The following DARS2 variants were observed in gnomAD, a reference collection of about 807,000 sequenced individuals.
The protein encoded by DARS2 is aspartate--tRNA ligase, mitochondrial.
Under a neutral mutation model 83.0 loss-of-function variants are expected in DARS2, and 63 were observed. That is an observed-to-expected ratio of 0.76 (90% CI 0.62 to 0.94). The LOEUF (loss-of-function observed/expected upper bound fraction) is 0.94. Ranked by LOEUF, DARS2 falls within the 40% of genes least tolerant of loss-of-function variation. DARS2 has a pLI of 0.00. For synonymous variants in DARS2, 250 were observed against 269.3 expected (o/e 0.93, Z 0.70); for missense variants, 675 against 774.4 (o/e 0.87, Z 1.52).
At chr1:173,849,792 A>G (rs992765805) in intron 12 of DARS2, among the ~76,000 whole-genome samples, 1 of 151,384 alleles carries the variant, frequency 6.6e-6, no homozygotes, top group Non-Finnish European at 1.5e-5. Context: ...ATTCGCAGAA[A>G]TCTCTCATCT....
chr1:173,853,473 A>C lies in DARS2; in HGVS notation c.1469A>C (p.Lys490Thr), dbSNP rs1181818005. The C allele has an allele frequency of 6.2e-7, 1 of 1,614,102 alleles. No homozygotes were observed. The highest frequency in any genetic ancestry group is 1.7e-5 in the Admixed American group (1 of 60,002). The change falls in exon 14 of 17, where the codon AAG (lysine) becomes ACG (threonine). Residue 490 changes from lysine to threonine, a missense_variant. By Grantham distance (78) the Lys-to-Thr change is moderately conservative. Transcript: ENST00000649689. ...WVVDFPLFLP[K>T]EENPRELESA... ...GTAGATTTCCCACTCTTCCTGCCCA[A>C]GGAGGAAAATCCCAGAGAGCTGGAA... is the stretch of plus-strand genomic sequence containing the variant.
intron 13 of DARS2, among the ~76,000 whole-genome samples, chr1:173,851,441 T>G (rs1490023265): frequency 6.6e-6 from 1 of 152,122 alleles, no homozygotes; most frequent in Non-Finnish European, 1.5e-5. Flanking sequence ...CAAATTTTTA[T>G]ACATCATGCA....
rs1652690924 is a variant in DARS2, at chr1:173,828,905, G to A, written c.294+506G>A. On this transcript the variant is annotated intron_variant, in intron 3 of 16. Transcript: ENST00000649689. ...CTTATACAGATATAAAATGACATAT[G>A]TACAAGGATATTCATTTCAGGATTC... Among the ~76,000 whole-genome samples, 6 of 152,074 alleles carry A rather than the reference G, an allele frequency of 3.9e-5. No individual in the cohort carries two copies. In the South Asian group the frequency reaches 8.3e-4, roughly 21 times the overall value.
intron 11 of DARS2, among the ~76,000 whole-genome samples, chr1:173,841,861 G>A (rs1571988476): frequency 6.6e-6 from 1 of 152,224 alleles, no homozygotes; most frequent in East Asian, 1.9e-4. Context: ...TGGATAATAT[G>A]TGAGCATAAA....
chr1:173,848,544 T>C (rs1653527071), intron 12 of DARS2, among the ~76,000 whole-genome samples: 1 of 152,226 alleles, frequency 6.6e-6, no homozygotes. Flanking sequence ...TAAATGTAAA[T>C]AGCAACAGTG....
chr1:173,842,291 T>TTTTTTTTTTTTTTTTG (rs1653254877), intron 11 of DARS2, among the ~76,000 whole-genome samples: 1 of 44,550 alleles, frequency 2.2e-5, no homozygotes, highest in Non-Finnish European at 4.2e-5. Context: ...TTTCTTTTTT[T>TTTTTTTTTTTTTTTTG]TTTTTTTTTT....
chr1:173,827,261 C>G (rs908477591), intron 2 of DARS2, among the ~76,000 whole-genome samples: 1 of 152,172 alleles, frequency 6.6e-6, no homozygotes, highest in Non-Finnish European at 1.5e-5. Flanking sequence ...TTGTTCATCT[C>G]TCTATTCCAG....
intron 10 of DARS2, 58 bp from the exon 11 acceptor site, chr1:173,840,808 G>A (rs1351752980): frequency 5.3e-6 from 5 of 935,636 alleles, no homozygotes; most frequent in Non-Finnish European, 8.8e-6. Context: ...TTTGTAAAAT[G>A]TTTTCAGATA....
chr1:173,845,827 A>C (rs937225620), intron 12 of DARS2, among the ~76,000 whole-genome samples: 2 of 151,948 alleles, frequency 1.3e-5, no homozygotes, highest in African/African-American at 4.8e-5. Flanking sequence ...TTTGAGACCA[A>C]TCTGGCCAAT....
intron 7 of DARS2, among the ~76,000 whole-genome samples, chr1:173,835,346 C>G (rs1234626785): frequency 6.6e-6 from 1 of 151,350 alleles, no homozygotes; most frequent in Non-Finnish European, 1.5e-5. Context: ...CCGCCTCAGC[C>G]TCCCAAAGTG....
chr1:173,834,746 T>TCAA (rs1652926863), intron 7 of DARS2, among the ~76,000 whole-genome samples: 1 of 130,216 alleles, frequency 7.7e-6, no homozygotes, highest in Admixed American at 7.6e-5. Flanking sequence ...TTTTTTTTTT[T>TCAA]TTTTTTTTTT....
chr1:173,852,400 C>A, intron 13 of DARS2: 1 of 392,026 alleles, frequency 2.6e-6, no homozygotes, highest in Non-Finnish European at 3.5e-6. Flanking sequence ...AAAAGTGAGT[C>A]ACAGAGCTTA....
chr1:173,827,437 A>G (rs1457502490), intron 2 of DARS2, among the ~76,000 whole-genome samples: 1 of 152,078 alleles, frequency 6.6e-6, no homozygotes, highest in Admixed American at 6.6e-5. Context: ...AGACCAGCCC[A>G]GCCAATATGA....
At chr1:173,828,570 A>G (rs994567441) in intron 3 of DARS2, among the ~76,000 whole-genome samples, 171 bp downstream of exon 3, 5 of 152,246 alleles carry the variant, frequency 3.3e-5, no homozygotes, top group African/African-American at 9.6e-5. Context: ...GTGACCCAGT[A>G]GAATTAGGAA....
At chr1:173,831,759 G>C in intron 5 of DARS2, 129 bp downstream of exon 5, 1 of 743,552 alleles carries the variant, frequency 1.3e-6, no homozygotes, top group Non-Finnish European at 2.3e-6. Context: ...GACACATCAT[G>C]AAGTGTTCTC....
chr1:173,832,017 C>T (rs538026201), intron 5 of DARS2, among the ~76,000 whole-genome samples: 21 of 152,128 alleles, frequency 1.4e-4, no homozygotes, highest in Non-Finnish European at 2.8e-4. Context: ...AAAATGTGTG[C>T]TTAGAGCAAC....
At chr1:173,838,887 C>T (rs1208891010) in intron 9 of DARS2, among the ~76,000 whole-genome samples, 1 of 152,094 alleles carries the variant, frequency 6.6e-6, no homozygotes, top group Non-Finnish European at 1.5e-5. Context: ...AGATGCGTGC[C>T]ACCATGCCCA....
At chr1:173,844,223 G>T (rs1300224263) in intron 11 of DARS2, among the ~76,000 whole-genome samples, 2 of 152,138 alleles carry the variant, frequency 1.3e-5, no homozygotes, top group Admixed American at 6.5e-5. Flanking sequence ...TCAAAAGAAA[G>T]ATTTTAAGAA....
chr1:173,827,768 A>G (rs1363128320), intron 2 of DARS2, among the ~76,000 whole-genome samples: 3 of 152,186 alleles, frequency 2.0e-5, no homozygotes, highest in Non-Finnish European at 2.9e-5. Context: ...TAGAGGTTGG[A>G]TGTTAAAATG....
Sources: allele counts gnomAD v4.1 joint callset (sites outside exome capture counted in the v4.1 genomes callset), GRCh38; gene constraint gnomAD v4.1.1; transcripts MANE v1.5; gene names NCBI Gene and HGNC (gene_info 2026-07-23, HGNC 2026-07-21).